Variants in PCDH15 observed in about 807,000 individuals in gnomAD.
The protein encoded by PCDH15 is protocadherin related 15, also known as protocadherin-15.
In PCDH15, 129 loss-of-function variants were observed where a neutral mutation model predicts 178.5. That is an observed-to-expected ratio of 0.72 (90% confidence interval 0.63 to 0.84). PCDH15 has a LOEUF of 0.84. PCDH15 is among the 40% of genes least tolerant of loss of function. PCDH15 has a pLI of 0.00. For missense variants in PCDH15, 2,230 were observed against 2,099.9 expected, an observed-to-expected ratio of 1.06 and a Z score of -1.21; for synonymous variants, 800 against 732.0, an observed-to-expected ratio of 1.09 and a Z score of -1.50.
intron 1 of PCDH15, among the ~76,000 whole-genome samples, chr10:55,234,956 T>G (rs995018701): frequency 3.1e-4 from 47 of 151,934 alleles, no homozygotes; most frequent in Admixed American, 3.0e-3. Context: ...ATTCCATAAT[T>G]TTTCCAAAAT....
intron 1 of PCDH15, among the ~76,000 whole-genome samples, chr10:55,188,972 G>T (rs955416223): frequency 6.6e-6 from 1 of 151,724 alleles, no homozygotes; most frequent in African/African-American, 2.4e-5. Context: ...AAATAAAAAA[G>T]AGAAAAATAA....
At chr10:53,823,047 C>A in intron 32 of PCDH15, 1 of 1,614,066 alleles carries the variant, frequency 6.2e-7, no homozygotes. Flanking sequence ...CAGAGACTTA[C>A]TCTTGGCTTG....
intron 1 of PCDH15, among the ~76,000 whole-genome samples, chr10:55,285,328 T>G (rs946785100): frequency 6.6e-6 from 1 of 151,128 alleles, no homozygotes; most frequent in Admixed American, 6.6e-5. Context: ...ACACATAAAA[T>G]CAACTAATTT....
chr10:54,123,575 A>C (rs988655546), intron 15 of PCDH15, among the ~76,000 whole-genome samples: 3 of 152,164 alleles, frequency 2.0e-5, no homozygotes, highest in African/African-American at 7.2e-5. Flanking sequence ...TCTTGGTGGG[A>C]ATGTAGATTA....
intron 2 of PCDH15, among the ~76,000 whole-genome samples, chr10:54,535,628 T>G (rs1205118870): frequency 7.3e-6 from 1 of 137,728 alleles, no homozygotes; most frequent in Non-Finnish European, 1.5e-5. Context: ...GAGAATGGCA[T>G]GAACCCAGGA....
intron 8 of PCDH15, among the ~76,000 whole-genome samples, chr10:54,257,403 C>CTTCTTTT (rs1554862389): frequency 1.6e-5 from 2 of 126,024 alleles, no homozygotes; most frequent in South Asian, 2.5e-4. Context: ...GAATTGTCTT[C>CTTCTTTT]TTTTTTTTTT....
chr10:54,021,550 T>A (rs930336642), intron 19 of PCDH15, among the ~76,000 whole-genome samples: 2 of 151,972 alleles, frequency 1.3e-5, no homozygotes, highest in African/African-American at 4.8e-5. Flanking sequence ...CCATCTTCCA[T>A]GATTTTGACC....
intron 11 of PCDH15, among the ~76,000 whole-genome samples, chr10:54,192,128 GAA>G (rs1491393001): frequency 5.4e-4 from 62 of 115,606 alleles, no homozygotes; most frequent in Non-Finnish European, 8.0e-4. Flanking sequence ...AAGAAAGAAA[GAA>G]AGAGAAAGAG....
chr10:54,681,114 T>TAGAGATG (rs1465968126), intron 1 of PCDH15, among the ~76,000 whole-genome samples: 2 of 152,098 alleles, frequency 1.3e-5, no homozygotes, highest in East Asian at 3.9e-4. Flanking sequence ...GGAGTAGTAC[T>TAGAGATG]AGAGATGAGA....
At chr10:53,850,294 G>C (rs1388455594) in intron 28 of PCDH15, among the ~76,000 whole-genome samples, 1 of 152,066 alleles carries the variant, frequency 6.6e-6, no homozygotes, top group African/African-American at 2.4e-5. Context: ...CATTAAAGAT[G>C]CTACTGCAAT....
At chr10:54,069,162 G>A (rs2094194288) in intron 17 of PCDH15, among the ~76,000 whole-genome samples, 1 of 152,152 alleles carries the variant, frequency 6.6e-6, no homozygotes, top group African/African-American at 2.4e-5. Flanking sequence ...ACAAGACATT[G>A]AAATTTACAG....
chr10:54,798,144 T>A (rs1591689762), intron 1 of PCDH15, among the ~76,000 whole-genome samples: 1 of 152,144 alleles, frequency 6.6e-6, no homozygotes. Context: ...ATGGCGACTC[T>A]ATCAAGAGAA....
intron 1 of PCDH15, among the ~76,000 whole-genome samples, chr10:55,208,698 C>G (rs1240249226): frequency 2.6e-5 from 4 of 151,998 alleles, no homozygotes; most frequent in Non-Finnish European, 5.9e-5. Context: ...CACATATTTG[C>G]TCCTATTCAA....
intron 23 of PCDH15, among the ~76,000 whole-genome samples, chr10:53,953,031 A>C (rs79470485): frequency 2.6e-5 from 4 of 152,206 alleles, no homozygotes; most frequent in Non-Finnish European, 5.9e-5. Context: ...TGCACCTGAG[A>C]GCTCTGGGCT....
chr10:53,857,130 C>T (rs980699279), intron 28 of PCDH15, 45 bp downstream of exon 28: 1 of 1,326,268 alleles, frequency 7.5e-7, no homozygotes, highest in Non-Finnish European at 1.1e-6. Flanking sequence ...AGTTAAAAAT[C>T]ATGGTCATAT....
chr10:54,720,215 A>T (rs1445896263), intron 1 of PCDH15, among the ~76,000 whole-genome samples: 1 of 152,116 alleles, frequency 6.6e-6, no homozygotes, highest in African/African-American at 2.4e-5. Flanking sequence ...AAGGAATATA[A>T]ATCATTCCAC....
intron 3 of PCDH15, among the ~76,000 whole-genome samples, chr10:54,889,955 T>A (rs1352288583): frequency 6.6e-6 from 1 of 151,906 alleles, no homozygotes; most frequent in Non-Finnish European, 1.5e-5. Context: ...TGAGAAAAAG[T>A]CACATAATTG....
Position 54,568,265 on chromosome 10 carries a change from C to G in PCDH15, c.92-40388G>C, listed in dbSNP as rs573671710. 3.9e-5 allele frequency among the ~76,000 whole-genome samples: 6 copies of G among 152,014 alleles called. 1 individual carries two copies. Among genetic ancestry groups the G allele is most frequent in the African/African-American group, 1.4e-4 (6 of 41,482 alleles). On this transcript the variant is annotated intron_variant, in intron 2 of 37. Transcript: ENST00000644397. ...CAGATGCCTACATGGCACAAGGCCTCCTTTAGTTCCTGTCTCTACTCATGC... is the reference window on the plus strand; with the variant it reads ...CAGATGCCTACATGGCACAAGGCCTGCTTTAGTTCCTGTCTCTACTCATGC...
rs541584207 is a variant in PCDH15, at chr10:55,192,737, C to CTA, written c.-155-26087_-155-26086insTA. 1.0e-3 allele frequency among the ~76,000 whole-genome samples: 156 copies of CTA among 150,562 alleles called. 1 individual carries two copies. Among genetic ancestry groups the CTA allele is most frequent in the South Asian group, 8.2e-3 (39 of 4,768 alleles). ...GATGAAAGAATCTCTCTCTCTCTCT[C>CTA]TCTCTATATATATATATACATATAG... On this transcript the variant is annotated intron_variant, in intron 1 of 5. Coordinates refer to the PCDH15 transcript ENST00000458638.
Sources: allele counts gnomAD v4.1 joint callset (sites outside exome capture counted in the v4.1 genomes callset), GRCh38; gene constraint gnomAD v4.1.1; transcripts MANE v1.5; gene names NCBI Gene and HGNC (gene_info 2026-07-23, HGNC 2026-07-21).